NELL1: variants seen among roughly 807,000 people sequenced by gnomAD.
NELL1 encodes neural EGFL like 1, also known as protein kinase C-binding protein NELL1.
In NELL1, 76 loss-of-function variants were observed where a neutral mutation model predicts 107.4. The observed-to-expected ratio is 0.71, with a 90% CI of 0.59 to 0.86. The LOEUF is 0.86. NELL1 is among the 40% of genes least tolerant of loss of function. The pLI is 0.00. For missense variants in NELL1, 1,024 were observed against 1,005.5 expected, an observed-to-expected ratio of 1.02 and a Z score of -0.25; for synonymous variants, 353 against 341.2, an observed-to-expected ratio of 1.03 and a Z score of -0.38.
chr11:21,539,798 CA>C (rs1856245491), intron 16 of NELL1, among the ~76,000 whole-genome samples: 1 of 151,520 alleles, frequency 6.6e-6, no homozygotes, highest in Non-Finnish European at 1.5e-5. Context: ...GGCCAAAAGG[CA>C]ACTTTTGGTT....
chr11:21,174,926 A>G (rs1035146174), intron 13 of NELL1, among the ~76,000 whole-genome samples: 5 of 151,710 alleles, frequency 3.3e-5, no homozygotes, highest in African/African-American at 1.2e-4. Context: ...GACATTCAAT[A>G]AGTAAAGCAC....
At chr11:21,139,507 C>T (rs575797450) in intron 13 of NELL1, among the ~76,000 whole-genome samples, 2 of 152,204 alleles carry the variant, frequency 1.3e-5, no homozygotes, top group African/African-American at 4.8e-5. Flanking sequence ...CAACTTATCA[C>T]TATCCACCAC....
intron 12 of NELL1, among the ~76,000 whole-genome samples, chr11:21,046,677 ATTATTTATTTATTTAT>A (rs34098589): frequency 9.7e-5 from 14 of 143,616 alleles, no homozygotes; most frequent in East Asian, 4.2e-4. Context: ...TATTTACTCA[ATTATTTATTTATTTAT>A]TTATTTATTT....
chr11:21,049,440 C>G (rs1853437482), intron 12 of NELL1, among the ~76,000 whole-genome samples: 1 of 152,146 alleles, frequency 6.6e-6, no homozygotes, highest in Non-Finnish European at 1.5e-5. Flanking sequence ...ATTTTTCTCT[C>G]TCCCAAAGAA....
chr11:20,805,687 A>G (rs1382402419), intron 3 of NELL1, among the ~76,000 whole-genome samples: 1 of 152,096 alleles, frequency 6.6e-6, no homozygotes, highest in Admixed American at 6.5e-5. Flanking sequence ...TATTTTTAGT[A>G]GAGATGGCAT....
At chr11:21,128,332 T>C (rs2133753203) in intron 13 of NELL1, among the ~76,000 whole-genome samples, 1 of 152,282 alleles carries the variant, frequency 6.6e-6, no homozygotes, top group East Asian at 1.9e-4. Context: ...ATTTGAAGAG[T>C]ATTCCCTAGA....
At chr11:21,119,299 A>T (rs931439361) in intron 13 of NELL1, among the ~76,000 whole-genome samples, 9 of 151,470 alleles carry the variant, frequency 5.9e-5, no homozygotes, top group Non-Finnish European at 1.3e-4. Context: ...GAGACAGTGG[A>T]TGCTAAGCAT....
chr11:20,975,656 TTATATAATATACATATTATA>T (rs1467550299), intron 12 of NELL1, among the ~76,000 whole-genome samples: 2 of 134,914 alleles, frequency 1.5e-5, no homozygotes, highest in African/African-American at 5.5e-5. Context: ...AATGTATGTA[TTATATAATATACATATTATA>T]TATGTATTAT....
chr11:21,283,081 G>C (rs1849034526), intron 14 of NELL1, among the ~76,000 whole-genome samples: 1 of 152,094 alleles, frequency 6.6e-6, no homozygotes, highest in Admixed American at 6.6e-5. Flanking sequence ...ACAAAAACTA[G>C]AAAGAATGAA....
chr11:21,318,790 CT>C (rs148590429), intron 14 of NELL1, among the ~76,000 whole-genome samples: 3,694 of 152,104 alleles, frequency 0.024, 205 homozygotes, highest in African/African-American at 0.085. Flanking sequence ...TGTGTTCCTA[CT>C]TTGCTTTATT....
At chr11:21,072,871 A>G (rs1854048712) in intron 12 of NELL1, among the ~76,000 whole-genome samples, 1 of 152,146 alleles carries the variant, frequency 6.6e-6, no homozygotes, top group Admixed American at 6.6e-5. Context: ...ATATGTGTAC[A>G]TTTTAGTCAG....
chr11:21,187,952 A>G lies in NELL1; in HGVS notation c.1427-41380A>G, dbSNP rs1011649672. 1.3e-5 allele frequency among the ~76,000 whole-genome samples: 2 copies of G among 151,886 alleles called. 1 individual carries two copies. Among genetic ancestry groups the G allele is most frequent in the African/African-American group, 4.9e-5 (2 of 41,178 alleles). ...TTTAGAACCTCAATTTCTTTTCTGT[A>G]TAATAGGCAGGTAATTGATGATACC... is the stretch of plus-strand genomic sequence containing the variant. On this transcript the variant is annotated intron_variant, in intron 13 of 19. Transcript: ENST00000357134.
chr11:20,829,847 G>A (rs996260570), intron 3 of NELL1, among the ~76,000 whole-genome samples: 2 of 152,054 alleles, frequency 1.3e-5, no homozygotes, highest in Admixed American at 6.5e-5. Context: ...TGTGCATCAC[G>A]TGAAAGGATT....
At chr11:21,040,883 C>T (rs569150056) in intron 12 of NELL1, among the ~76,000 whole-genome samples, 5 of 152,140 alleles carry the variant, frequency 3.3e-5, no homozygotes, top group Admixed American at 6.6e-5. Context: ...TACCATTGTA[C>T]GAGGAATGAT....
intron 14 of NELL1, among the ~76,000 whole-genome samples, chr11:21,259,087 T>C (rs962071458): frequency 2.0e-5 from 3 of 151,840 alleles, no homozygotes; most frequent in African/African-American, 4.8e-5. Context: ...ATTGTTCCTA[T>C]AGAAGCGGGA....
chr11:20,738,319 A>T (rs11828765), intron 2 of NELL1, among the ~76,000 whole-genome samples: 7,832 of 152,146 alleles, frequency 0.051, 641 homozygotes, highest in African/African-American at 0.18. Flanking sequence ...ACAGGAGTGC[A>T]CAGTGCTGAG....
At chr11:21,047,545 ATTTAT>A (rs1565032032) in intron 12 of NELL1, among the ~76,000 whole-genome samples, 1 of 152,154 alleles carries the variant, frequency 6.6e-6, no homozygotes, top group African/African-American at 2.4e-5. Flanking sequence ...GTAGTATACA[ATTTAT>A]TTAACATTTC....
rs544765965 is a variant in NELL1, at chr11:21,356,089, T to C, written c.1550-14764T>C. ...TTCCCCACTGACACACTTCCCACAC[T>C]GTGTCTGCTTTTTCTCCTATCACTT... On this transcript the variant is annotated intron_variant, in intron 14 of 19. Transcript: ENST00000357134. 2.6e-5 allele frequency among the ~76,000 whole-genome samples: 4 copies of C among 152,296 alleles called. No homozygotes were observed. In the South Asian group the frequency reaches 8.3e-4, roughly 32 times the overall value.
At chr11:21,354,167 G>A (rs1850877756) in intron 14 of NELL1, among the ~76,000 whole-genome samples, 1 of 152,108 alleles carries the variant, frequency 6.6e-6, no homozygotes, top group African/African-American at 2.4e-5. Flanking sequence ...TGAGATTTGT[G>A]CGAGGCTCCC....
Sources: gnomAD v4.1 joint callset for allele counts (sites outside exome capture counted in the v4.1 genomes callset) on GRCh38, gnomAD v4.1.1 for gene constraint, MANE v1.5 for transcripts, NCBI Gene and HGNC (gene_info 2026-07-23, HGNC 2026-07-21) for gene names.